Variants in CEP104 observed in about 807,000 individuals in gnomAD.
CEP104 encodes the protein centrosomal protein of 104 kDa.
CEP104 carries 84 observed loss-of-function variants against 113.3 expected under a neutral mutation model. The observed-to-expected ratio is 0.74, with a 90% CI of 0.62 to 0.89. The LOEUF (loss-of-function observed/expected upper bound fraction) is 0.89. Ranked by LOEUF, CEP104 falls within the 40% of genes least tolerant of loss-of-function variation. CEP104 has a pLI of 0.00. For missense variants in CEP104, 1,053 were observed against 1,156.6 expected, an observed-to-expected ratio of 0.91 and a Z score of 1.30; for synonymous variants, 378 against 421.7, an observed-to-expected ratio of 0.90 and a Z score of 1.27.
At chr1:3,838,776 G>T (rs1303116466) in intron 8 of CEP104, among the ~76,000 whole-genome samples, 188 bp downstream of exon 8, 1 of 152,200 alleles carries the variant, frequency 6.6e-6, no homozygotes, top group Non-Finnish European at 1.5e-5. Flanking sequence ...TGAGTCTCCT[G>T]AAAGAACATG....
chr1:3,826,936 G>A (rs570595284), intron 15 of CEP104, among the ~76,000 whole-genome samples, 192 bp from the exon 16 acceptor site: 1 of 152,282 alleles, frequency 6.6e-6, no homozygotes, highest in South Asian at 2.1e-4. Context: ...GATTGCTTGA[G>A]CTCAGGAGTT....
At position 3,812,248 on chromosome 1, in the gene CEP104, T is replaced by C. The variant is rs894423817; in HGVS notation, c.*3154A>G. 4 of 152,312 alleles carry C rather than the reference T, an allele frequency of 2.6e-5. No homozygotes were observed. The highest frequency in any genetic ancestry group is 5.9e-5 in the Non-Finnish European group (4 of 68,014). 9.4% of individuals were successfully genotyped at this position (152,312 alleles called of 1,614,324 possible). ...ATATTAAAAAGTTGCAAAATTTCATTAAAAACATTTACATTTGTATCCTAA... is the reference window on the plus strand; with the variant it reads ...ATATTAAAAAGTTGCAAAATTTCATCAAAAACATTTACATTTGTATCCTAA... On this transcript the variant is annotated 3_prime_UTR_variant, in exon 22 of 22. Coordinates refer to ENST00000378230, the MANE Select transcript of CEP104 (RefSeq NM_014704.4).
intron 1 of CEP104, 95 bp from the exon 2 acceptor site, chr1:3,852,516 A>G (rs1247625359): frequency 9.2e-7 from 1 of 1,084,302 alleles, no homozygotes; most frequent in African/African-American, 1.6e-5. Context: ...TAACACACAC[A>G]ATAATGCACT....
At chr1:3,834,206 T>C (rs952866606) in intron 11 of CEP104, among the ~76,000 whole-genome samples, 171 bp from the exon 12 acceptor site, 19 of 152,254 alleles carry the variant, frequency 1.2e-4, no homozygotes, top group African/African-American at 4.1e-4. Context: ...GCACCTTGCA[T>C]ATAGAGGACA....
chr1:3,825,606 C>T lies in CEP104; in HGVS notation c.2364+152G>A, dbSNP rs957908182. 24 of 605,674 alleles carry T rather than the reference C, an allele frequency of 4.0e-5. 2 individuals carry two copies. The highest frequency in any genetic ancestry group is 1.9e-4 in the South Asian group (10 of 51,636). The allele number at this position is 605,674 out of a possible 1,614,324, so 37.5% of individuals were successfully genotyped here. A position where few individuals can be genotyped will look rare whatever the true frequency, so the allele number is the denominator to read the frequency against. On this transcript the variant is annotated intron_variant, in intron 18 of 21. Coordinates refer to ENST00000378230, the MANE Select transcript of CEP104 (RefSeq NM_014704.4). ...TGTCTGTCATATGGAATGACTCGCA[C>T]GCATTTGCGGGTGTGTGCTTGGCTT...
chr1:3,855,493 T>TTAA (rs1482272950), intron 1 of CEP104, among the ~76,000 whole-genome samples: 5 of 152,220 alleles, frequency 3.3e-5, no homozygotes, highest in Admixed American at 3.3e-4. Context: ...ACCAACACTC[T>TTAA]CTGTTACGGC....
chr1:3,837,408 G>A lies in CEP104; in HGVS notation c.1003C>T (p.Gln335Ter), dbSNP rs144744629. 9.3e-5 allele frequency: 150 copies of A among 1,614,038 alleles called. No homozygotes were observed. Among genetic ancestry groups the A allele is most frequent in the Non-Finnish European group, 9.7e-5 (115 of 1,180,018 alleles). ...PQLEERGTEN[Q>*]FAEPFLQEKP... Reference sequence around the variant, plus strand: ...TCCTGAAGGAAAGGTTCTGCAAACTGGTTTTCTGTTCCTCTTTCTTCCAGT... The same window carrying A: ...TCCTGAAGGAAAGGTTCTGCAAACTAGTTTTCTGTTCCTCTTTCTTCCAGT... The change falls in exon 9 of 22, where the codon CAG (glutamine) becomes TAG (stop). Residue 335 changes from glutamine to a stop codon, truncating the protein, a stop_gained. Transcript: ENST00000378230. LOFTEE classifies it high-confidence loss of function.
chr1:3,852,289 C>T lies in CEP104; in HGVS notation c.113+6G>A. ...CAGCCCAAGCCCCGCCCCGTCCAGTCCTCACCTAGGTGACCGCCACCCACT... is the reference window on the plus strand; with the variant it reads ...CAGCCCAAGCCCCGCCCCGTCCAGTTCTCACCTAGGTGACCGCCACCCACT... On this transcript the variant is annotated splice_donor_region_variant and intron_variant, in intron 2 of 21. Coordinates refer to ENST00000378230, the MANE Select transcript of CEP104 (RefSeq NM_014704.4). 2 of 1,612,894 alleles carry T rather than the reference C, an allele frequency of 1.2e-6. No individual in the cohort carries two copies. The highest frequency in any genetic ancestry group is 3.3e-4 in the Middle Eastern group (2 of 6,060).
At chr1:3,832,541 A>T (rs1644235890) in intron 12 of CEP104, among the ~76,000 whole-genome samples, 1 of 97,444 alleles carries the variant, frequency 1.0e-5, no homozygotes, top group South Asian at 3.2e-4. Context: ...GTAGGTCATA[A>T]CCAGGAGTGT....
chr1:3,843,326 A>T (rs1347138514), intron 6 of CEP104: 1 of 128,880 alleles, frequency 7.8e-6, no homozygotes, highest in Non-Finnish European at 1.6e-5. Flanking sequence ...TTACACTGCT[A>T]AAAAAAAAAA....
At position 3,823,414 on chromosome 1, in the gene CEP104, G is replaced by T. The variant is rs750500102; in HGVS notation, c.2503+10C>A. 3 of 1,614,042 alleles carry T rather than the reference G, an allele frequency of 1.9e-6. No homozygotes were observed. In the African/African-American group the frequency reaches 4.0e-5, roughly 22 times the overall value. On this transcript the variant is annotated intron_variant, in intron 19 of 21. Transcript: ENST00000378230. This position sits in a 1 kb window ranked among gnomAD's most constrained non-coding sequence, Gnocchi z 4.1. ...CCCGAGGGCACGGGAGCCTGGGAAG[G>T]GGCACTCACGGTTGCAATCCTTGTG...
intron 6 of CEP104, 45 bp from the exon 7 acceptor site, chr1:3,839,821 G>A (rs774516180): frequency 6.6e-7 from 1 of 1,518,644 alleles, no homozygotes; most frequent in African/African-American, 1.4e-5. Context: ...TCACGCCCTA[G>A]GAGTTCAGTG....
intron 9 of CEP104, 124 bp downstream of exon 9, chr1:3,837,168 A>G (rs2124673156): frequency 1.4e-6 from 1 of 734,394 alleles, no homozygotes; most frequent in East Asian, 2.7e-5. Context: ...CTAGAATGGA[A>G]CAGAGGTGGG....
At position 3,831,226 on chromosome 1, in the gene CEP104, T is replaced by C. The variant is rs1274672044; in HGVS notation, c.1660-4A>G. 6.2e-7 allele frequency: 1 copy of C among 1,609,052 alleles called. No homozygotes were observed. The highest frequency in any genetic ancestry group is 8.5e-7 in the Non-Finnish European group (1 of 1,176,148). ...CTTCTTTAAACAAGGCCATTTCCTA[T>C]GAAAGCCAAGGTAATTTGTTAATTT... On this transcript the variant is annotated splice_region_variant and splice_polypyrimidine_tract_variant and intron_variant, in intron 12 of 21. Coordinates refer to ENST00000378230, the MANE Select transcript of CEP104 (RefSeq NM_014704.4).
At chr1:3,845,088 G>T in intron 5 of CEP104, 105 bp from the exon 6 acceptor site, 1 of 976,802 alleles carries the variant, frequency 1.0e-6, no homozygotes, top group Non-Finnish European at 1.6e-6. Context: ...AAGGTTCAAT[G>T]ATCCTCATCT....
intron 6 of CEP104, chr1:3,843,108 C>CT (rs1644441711): frequency 4.8e-6 from 3 of 619,130 alleles, no homozygotes; most frequent in Non-Finnish European, 5.9e-6. Context: ...TTCAATTCCT[C>CT]TTTTTTTCTC....
At position 3,819,444 on chromosome 1, in the gene CEP104, C is replaced by G. The variant is rs1643930767; in HGVS notation, c.2572-3074G>C. ...CCCACTATCTGTCCACGGGGAGAGGCTGTGCAGACTAGATCTCCATGAAGC... is the reference window on the plus strand; with the variant it reads ...CCCACTATCTGTCCACGGGGAGAGGGTGTGCAGACTAGATCTCCATGAAGC... On this transcript the variant is annotated intron_variant, in intron 20 of 21. Coordinates refer to ENST00000378230, the MANE Select transcript of CEP104 (RefSeq NM_014704.4). The surrounding 1 kb of genome is among the most constrained non-coding windows in gnomAD (Gnocchi z 4.6). Among the ~76,000 whole-genome samples, 1 of 152,192 alleles carries G rather than the reference C, an allele frequency of 6.6e-6. No homozygotes were observed.
chr1:3,826,705 T>G lies in CEP104; in HGVS notation c.2188+3A>C. 3 of 1,614,094 alleles carry G rather than the reference T, an allele frequency of 1.9e-6. No homozygotes were observed. Among genetic ancestry groups the G allele is most frequent in the Non-Finnish European group, 2.5e-6 (3 of 1,179,934 alleles). The stretch of plus-strand genomic sequence containing the variant: ...TCTTTGTGCACCCCAATTCTTTACA[T>G]ACCCTGATTCTTTGGCTTCACAGCA... On this transcript the variant is annotated splice_donor_region_variant and intron_variant, in intron 16 of 21. Transcript: ENST00000378230.
chr1:3,815,251 C>T lies in CEP104; in HGVS notation c.*151G>A, dbSNP rs1371455049. On this transcript the variant is annotated 3_prime_UTR_variant, in exon 22 of 22. Coordinates refer to ENST00000378230, the MANE Select transcript of CEP104 (RefSeq NM_014704.4). ...TCCATATCGTTTGCACGAGAGCTGA[C>T]GGCACAGACGCGTAAGAGGCGTGCA... is the stretch of plus-strand genomic sequence containing the variant. 2.1e-5 allele frequency: 13 copies of T among 621,642 alleles called. No individual in the cohort carries two copies. The highest frequency in any genetic ancestry group is 3.7e-5 in the African/African-American group (2 of 54,316). The allele number at this position is 621,642 out of a possible 1,614,324, so 38.5% of individuals were successfully genotyped here.
Sources: gnomAD v4.1 joint callset for allele counts (sites outside exome capture counted in the v4.1 genomes callset) on GRCh38, gnomAD v4.1.1 for gene constraint, Gnocchi (gnomAD v3.1) non-coding constraint, MANE v1.5 for transcripts, NCBI Gene and HGNC (gene_info 2026-07-23, HGNC 2026-07-21) for gene names.